FIG4: variants seen among roughly 807,000 people sequenced by gnomAD.
The protein encoded by FIG4 is polyphosphoinositide phosphatase.
A neutral mutation model predicts 118.6 loss-of-function variants in FIG4; 112 were observed. The observed-to-expected ratio is 0.94, with a 90% CI of 0.81 to 1.11. FIG4 has a LOEUF of 1.11. Ranked by LOEUF, FIG4 falls within the 50% of genes least tolerant of loss-of-function variation. The pLI is 0.00. For missense variants in FIG4, 969 were observed against 1,111.7 expected, an observed-to-expected ratio of 0.87 and a Z score of 1.83; for synonymous variants, 369 against 381.2, an observed-to-expected ratio of 0.97 and a Z score of 0.37.
intron 10 of FIG4, among the ~76,000 whole-genome samples, chr6:109,758,776 A>T (rs1327760035): frequency 6.6e-6 from 1 of 152,134 alleles, no homozygotes; most frequent in Non-Finnish European, 1.5e-5. Context: ...ATACCCCATC[A>T]AAAAGTAGGC....
chr6:109,812,106 C>T (rs2128400590), intron 22 of FIG4, among the ~76,000 whole-genome samples: 1 of 152,148 alleles, frequency 6.6e-6, no homozygotes, highest in Non-Finnish European at 1.5e-5. Context: ...GGAGCTCTTC[C>T]CTTTCGCTTG....
At chr6:109,797,191 T>C (rs918012987) in intron 22 of FIG4, among the ~76,000 whole-genome samples, 2 of 152,222 alleles carry the variant, frequency 1.3e-5, no homozygotes, top group African/African-American at 4.8e-5. Context: ...TTTGAGGATA[T>C]GGATCGATTT....
chr6:109,803,884 C>T (rs1185138004), intron 22 of FIG4, among the ~76,000 whole-genome samples: 5 of 149,974 alleles, frequency 3.3e-5, no homozygotes, highest in African/African-American at 9.8e-5. Flanking sequence ...TAGTTCATGT[C>T]CTTTGTAGGG....
chr6:109,748,904 C>T (rs1776594026), intron 10 of FIG4, among the ~76,000 whole-genome samples: 2 of 152,152 alleles, frequency 1.3e-5, no homozygotes, highest in South Asian at 2.1e-4. Flanking sequence ...CTCCACAACA[C>T]GTGGGAATTA....
intron 21 of FIG4, among the ~76,000 whole-genome samples, chr6:109,795,162 G>A (rs189434136): frequency 3.3e-5 from 4 of 119,618 alleles, no homozygotes; most frequent in Non-Finnish European, 4.9e-5. Flanking sequence ...CTGTCGCCCA[G>A]GCGGGACTGT....
chr6:109,744,746 C>G (rs1454645331), intron 10 of FIG4, among the ~76,000 whole-genome samples: 1 of 151,918 alleles, frequency 6.6e-6, no homozygotes, highest in Non-Finnish European at 1.5e-5. Flanking sequence ...ACCCATCAAC[C>G]CGTCATCTAC....
chr6:109,792,584 T>A lies in FIG4; in HGVS notation c.2379T>A (p.Asn793Lys). 6 of 1,580,872 alleles carry A rather than the reference T, an allele frequency of 3.8e-6. No individual in the cohort carries two copies. The highest frequency in any genetic ancestry group is 5.2e-6 in the Non-Finnish European group (6 of 1,151,378). Residue 793 changes from asparagine (N) to lysine (K), a missense_variant and splice_region_variant, in exon 21 of 23, where the codon AAT becomes AAA. Transcript: ENST00000230124. The stretch of plus-strand genomic sequence containing the variant: ...TCTTTTTTTTTTTTAAACCCCAGAA[T>A]GTGGTCCAACCCATGAAGGAGCTAT... ...DAGDSAKVTE[N>K]VVQPMKELYG...
rs1427397945 is a variant in FIG4, at chr6:109,738,243, A to G, written c.647-82A>G. The G allele has an allele frequency of 9.2e-6, 11 of 1,197,370 alleles. No homozygotes were observed. In the East Asian group the frequency reaches 1.2e-4, roughly 13 times the overall value. The allele number at this position is 1,197,370 out of a possible 1,614,324, so 74.2% of individuals were successfully genotyped here. On this transcript the variant is annotated intron_variant, in intron 6 of 22. Transcript: ENST00000230124. Reference sequence around the variant, plus strand: ...GAGTTGAATGTCAGCCAATTTCCATATCTTTCTGATACCAACCTTTTTTTT... The same window carrying G: ...GAGTTGAATGTCAGCCAATTTCCATGTCTTTCTGATACCAACCTTTTTTTT...
chr6:109,809,026 G>A (rs978197878), intron 22 of FIG4, among the ~76,000 whole-genome samples: 4 of 152,110 alleles, frequency 2.6e-5, no homozygotes, highest in African/African-American at 9.7e-5. Flanking sequence ...ATGCATCAAT[G>A]GATAAGAGAG....
Position 109,793,465 on chromosome 6 carries a change from T to C in FIG4, c.2459+801T>C, listed in dbSNP as rs187839418. 4.2e-3 allele frequency among the ~76,000 whole-genome samples: 637 copies of C among 152,340 alleles called. 6 individuals are homozygous for C. The highest frequency in any genetic ancestry group is 0.015 in the African/African-American group (618 of 41,582). On this transcript the variant is annotated intron_variant, in intron 21 of 22. Transcript: ENST00000230124. Reference sequence around the variant, plus strand: ...AATCATGTGCATAATTTCGTGTGTATGTGTGTCCTTTTGAGAAGATAGATT... The same window carrying C: ...AATCATGTGCATAATTTCGTGTGTACGTGTGTCCTTTTGAGAAGATAGATT...
At chr6:109,742,558 A>C (rs1400319247) in intron 8 of FIG4, among the ~76,000 whole-genome samples, 1 of 152,100 alleles carries the variant, frequency 6.6e-6, no homozygotes, top group Non-Finnish European at 1.5e-5. Context: ...TTAAAATATC[A>C]GAATTTTGCA....
At chr6:109,740,951 G>T (rs902386781) in intron 7 of FIG4, among the ~76,000 whole-genome samples, 7 of 152,042 alleles carry the variant, frequency 4.6e-5, no homozygotes, top group African/African-American at 1.7e-4. Context: ...GAGCAAAGGG[G>T]GAAGTGCCAC....
chr6:109,797,864 C>G (rs958246279), intron 22 of FIG4, among the ~76,000 whole-genome samples: 4 of 148,354 alleles, frequency 2.7e-5, no homozygotes, highest in Non-Finnish European at 4.4e-5. Context: ...CCACTGCACT[C>G]CAGCTTGGGT....
intron 10 of FIG4, among the ~76,000 whole-genome samples, chr6:109,755,853 T>G (rs1562665005): frequency 6.6e-6 from 1 of 152,270 alleles, no homozygotes; most frequent in African/African-American, 2.4e-5. Context: ...ATGGGTCTCC[T>G]GAATACAGCA....
At chr6:109,747,853 A>G (rs757232968) in intron 10 of FIG4, among the ~76,000 whole-genome samples, 2 of 152,100 alleles carry the variant, frequency 1.3e-5, no homozygotes, top group Non-Finnish European at 2.9e-5. Flanking sequence ...TGGCAAGATC[A>G]TAGCTCGCTG....
At chr6:109,700,056 C>G (rs1774860667) in intron 1 of FIG4, among the ~76,000 whole-genome samples, 1 of 152,168 alleles carries the variant, frequency 6.6e-6, no homozygotes, top group South Asian at 2.1e-4. Context: ...AGGACTGAAT[C>G]ACTTCCAAAA....
At chr6:109,708,737 T>G (rs1183306589) in intron 1 of FIG4, among the ~76,000 whole-genome samples, 2 of 152,244 alleles carry the variant, frequency 1.3e-5, no homozygotes, top group African/African-American at 4.8e-5. Flanking sequence ...GAGCTTTTTT[T>G]TCATATGATT....
chr6:109,807,767 C>G (rs1011026770), intron 22 of FIG4, among the ~76,000 whole-genome samples: 10 of 152,276 alleles, frequency 6.6e-5, no homozygotes, highest in African/African-American at 2.4e-4. Context: ...TTTAATCCAT[C>G]TGGAGTTAAT....
rs1777958887 is a variant in FIG4 at position 109,786,408 on chromosome 6, CT to C, written c.2058del (p.Phe686LeufsTer9). The C allele has an allele frequency of 6.2e-7, 1 of 1,613,814 alleles. No individual in the cohort carries two copies. Among genetic ancestry groups the C allele is most frequent in the Non-Finnish European group, 8.5e-7 (1 of 1,179,872 alleles). On this transcript the variant is annotated frameshift_variant, in exon 18 of 23. Coordinates refer to ENST00000230124, the MANE Select transcript of FIG4 (RefSeq NM_014845.6). LOFTEE classifies it high-confidence loss of function. Reference protein sequence around the residue: ...EFFRPYELSSFDDTFCLAMTS... With the variant: ...EFFRPYELSSXDDTFCLAMTS... ...TCTTTCGGCCATATGAGTTGAGCAG[CT>C]TTGATGATACCTTTTGCTTGGCTAT...
Sources: gnomAD v4.1 joint callset for allele counts (sites outside exome capture counted in the v4.1 genomes callset) on GRCh38, gnomAD v4.1.1 for gene constraint, MANE v1.5 for transcripts, NCBI Gene and HGNC (gene_info 2026-07-23, HGNC 2026-07-21) for gene names.